CRELD2: variants seen among roughly 807,000 people sequenced by gnomAD.
The protein encoded by CRELD2 is CRELD disulfide isomerase 2, also known as protein disulfide isomerase CRELD2.
CRELD2 carries 33 observed loss-of-function variants against 48.1 expected under a neutral mutation model. That is an observed-to-expected ratio of 0.69 (90% CI 0.52 to 0.92). CRELD2 has a LOEUF of 0.92. CRELD2 is among the 40% of genes least tolerant of loss of function. The pLI is 0.00. For synonymous variants in CRELD2, 220 were observed against 203.9 expected, an observed-to-expected ratio of 1.08 and a Z score of -0.67; for missense variants, 477 against 482.4, an observed-to-expected ratio of 0.99 and a Z score of 0.10.
chr22:49,923,649 G>A, intron 7 of CRELD2: 1 of 456,238 alleles, frequency 2.2e-6, no homozygotes. Context: ...AGCTTGTTGC[G>A]AACGTCTCTG....
chr22:49,925,146 A>C (rs1242404071), intron 8 of CRELD2: 4 of 268,714 alleles, frequency 1.5e-5, no homozygotes, highest in Non-Finnish European at 2.8e-5. Flanking sequence ...AAAAAAAAAA[A>C]GGAAAAGAAA....
In CRELD2 at chr22:49,921,292, A is replaced by G. The variant is rs1484941091; in HGVS notation, c.416-293A>G. Reference sequence around the variant, plus strand: ...GCAATAAGAGCCGCTCAGCTTTAGTATCATCTTAGGGGACAGCTGTGCTAT... The same window carrying G: ...GCAATAAGAGCCGCTCAGCTTTAGTGTCATCTTAGGGGACAGCTGTGCTAT... On this transcript the variant is annotated intron_variant, in intron 4 of 9. Transcript: ENST00000328268. 7.3e-6 allele frequency: 3 copies of G among 413,576 alleles called. No individual in the cohort carries two copies. In the East Asian group the frequency reaches 1.2e-4, roughly 16 times the overall value. 25.6% of individuals were successfully genotyped at this position (413,576 alleles called of 1,614,324 possible).
intron 4 of CRELD2, 50 bp from the exon 5 acceptor site, chr22:49,921,535 C>T: frequency 1.3e-6 from 2 of 1,573,698 alleles, no homozygotes; most frequent in Non-Finnish European, 1.7e-6. Context: ...GAGAACACCG[C>T]ACCGGTCACC....
At chr22:49,923,423 T>C (rs1314347022) in intron 7 of CRELD2, 106 bp downstream of exon 7, 1 of 853,246 alleles carries the variant, frequency 1.2e-6, no homozygotes, top group African/African-American at 1.7e-5. Flanking sequence ...ACATCCTGCC[T>C]GCCCTGAGAA....
Position 49,920,092 on chromosome 22 carries a change from C to T in CRELD2, c.324-64C>T. 4 of 1,083,252 alleles carry T rather than the reference C, an allele frequency of 3.7e-6. No individual in the cohort carries two copies. The South Asian group carries it at 3.8e-5, about 10-fold the overall frequency. 67.1% of individuals were successfully genotyped at this position (1,083,252 alleles called of 1,614,324 possible). On this transcript the variant is annotated intron_variant, in intron 3 of 9. Transcript: ENST00000328268. ...ACTCCAGAGCATATGTTACGTTCAGCTGCATGTTTGTTTTAAAGAACCGTG... is the reference window on the plus strand; with the variant it reads ...ACTCCAGAGCATATGTTACGTTCAGTTGCATGTTTGTTTTAAAGAACCGTG...
Position 49,919,746 on chromosome 22 carries a change from G to C in CRELD2, c.229G>C (p.Glu77Gln). The C allele has an allele frequency of 6.2e-7, 1 of 1,609,832 alleles. No individual in the cohort carries two copies. The highest frequency in any genetic ancestry group is 8.5e-7 in the Non-Finnish European group (1 of 1,178,516). The change falls in exon 3 of 10, where the codon GAG (glutamate) becomes CAG (glutamine). Residue 77 changes from glutamate (E) to glutamine (Q), a missense_variant. Physicochemically the swap from Glu to Gln is conservative, Grantham distance 29. Transcript: ENST00000328268. ...KYESSEIRLL[E>Q]ILEGLCESSD... The stretch of plus-strand genomic sequence containing the variant: ...GTGTTTCAGCGAGATTCGCCTGCTG[G>C]AGATCCTGGAGGGGCTGTGCGAGAG...
chr22:49,923,363 G>A (rs372799715), intron 7 of CRELD2, 46 bp downstream of exon 7: 13 of 1,437,862 alleles, frequency 9.0e-6, no homozygotes, highest in East Asian at 6.8e-5. Flanking sequence ...GCCGGGTTTC[G>A]TTGCTGCCTT....
At position 49,918,700 on chromosome 22, in the gene CRELD2, C is replaced by T; in HGVS notation, c.-70C>T. Reference sequence around the variant, plus strand: ...GGCGCGGCTGGGAGCGGGTGGGCGGCCGGGAGGCCGGAGCAGCACGGCCGC... The same window carrying T: ...GGCGCGGCTGGGAGCGGGTGGGCGGTCGGGAGGCCGGAGCAGCACGGCCGC... On this transcript the variant is annotated 5_prime_UTR_variant, in exon 1 of 10. Coordinates refer to ENST00000328268, the MANE Select transcript of CRELD2 (RefSeq NM_024324.5). 3.5e-6 allele frequency: 2 copies of T among 572,260 alleles called. No individual in the cohort carries two copies. Among genetic ancestry groups the T allele is most frequent in the Non-Finnish European group, 5.1e-6 (2 of 391,326 alleles). The allele number at this position is 572,260 out of a possible 1,614,324, so 35.4% of individuals were successfully genotyped here. A position where few individuals can be genotyped will look rare whatever the true frequency, so the allele number is the denominator to read the frequency against.
Position 49,921,878 on chromosome 22 carries a change from A to G in CRELD2, c.592+117A>G, listed in dbSNP as rs147808627. On this transcript the variant is annotated intron_variant, in intron 5 of 9. Coordinates refer to ENST00000328268, the MANE Select transcript of CRELD2 (RefSeq NM_024324.5). Reference sequence around the variant, plus strand: ...GTTGATCTTTAACCCCAGATGTCCAAGGAAGCTTCGAGGGCCCAGAAGGAT... The same window carrying G: ...GTTGATCTTTAACCCCAGATGTCCAGGGAAGCTTCGAGGGCCCAGAAGGAT... 871 of 1,108,836 alleles carry G rather than the reference A, an allele frequency of 7.9e-4. 6 individuals are homozygous for G. In the African/African-American group the frequency reaches 0.011, roughly 14 times the overall value. The allele number at this position is 1,108,836 out of a possible 1,614,324, so 68.7% of individuals were successfully genotyped here.
intron 1 of CRELD2, 65 bp downstream of exon 1, chr22:49,918,963 G>GT (rs2060644618): frequency 7.8e-7 from 1 of 1,290,116 alleles, no homozygotes. Context: ...TGCATCCGGG[G>GT]TCGCCCCACC....
Position 49,918,717 on chromosome 22 carries a change from C to G in CRELD2, c.-53C>G, listed in dbSNP as rs979607940. ...GTGGGCGGCCGGGAGGCCGGAGCAG[C>G]ACGGCCGCAGGACCTGGAGCTCCGG... is the stretch of plus-strand genomic sequence containing the variant. On this transcript the variant is annotated 5_prime_UTR_variant, in exon 1 of 10. Transcript: ENST00000328268. 4 of 702,002 alleles carry G rather than the reference C, an allele frequency of 5.7e-6. No individual in the cohort carries two copies. Among genetic ancestry groups the G allele is most frequent in the East Asian group, 7.2e-5 (2 of 27,716 alleles). The allele number at this position is 702,002 out of a possible 1,614,324, so 43.5% of individuals were successfully genotyped here.
Position 49,919,240 on chromosome 22 carries a change from A to T in CRELD2, c.140A>T (p.Asp47Val). 6.2e-7 allele frequency: 1 copy of T among 1,613,704 alleles called. No homozygotes were observed. Among genetic ancestry groups the T allele is most frequent in the East Asian group, 2.2e-5 (1 of 44,874 alleles). The change falls in exon 2 of 10, where the codon GAC becomes GTC. Residue 47 changes from aspartate to valine, a missense_variant. Coordinates refer to ENST00000328268, the MANE Select transcript of CRELD2 (RefSeq NM_024324.5). ...ACTGTCTCCTCGCAGGGGATGGTGG[A>T]CACCGCAAAGAAGAACTTTGGCGGC... The part of the protein sequence containing the change: ...LVDKFNQGMV[D>V]TAKKNFGGGN...
intron 8 of CRELD2, 107 bp from the exon 9 acceptor site, chr22:49,925,310 C>A: frequency 1.3e-6 from 1 of 790,884 alleles, no homozygotes; most frequent in Non-Finnish European, 2.1e-6. Flanking sequence ...TGACGTTTGT[C>A]ATCGTTGTGC....
intron 2 of CRELD2, 90 bp downstream of exon 2, chr22:49,919,402 G>C: frequency 1.7e-6 from 2 of 1,209,596 alleles, no homozygotes; most frequent in Non-Finnish European, 2.4e-6. Flanking sequence ...TAATGACAGG[G>C]AGACAGAACA....
intron 7 of CRELD2, chr22:49,923,622 G>C (rs1279309695): frequency 2.0e-6 from 1 of 505,422 alleles, no homozygotes; most frequent in Non-Finnish European, 3.6e-6. Context: ...GCGCCTGTCG[G>C]GTGTTTTCCA....
At position 49,919,213 on chromosome 22, in the gene CRELD2, G is replaced by C. The variant is rs768732947; in HGVS notation, c.130-17G>C. 23 of 1,612,830 alleles carry C rather than the reference G, an allele frequency of 1.4e-5. No homozygotes were observed. The South Asian group carries it at 2.4e-4, about 17-fold the overall frequency. On this transcript the variant is annotated splice_polypyrimidine_tract_variant and intron_variant, in intron 1 of 9. Coordinates refer to ENST00000328268, the MANE Select transcript of CRELD2 (RefSeq NM_024324.5). ...GGTCAGGTGGTACCAAGCACTATGGGCACTGTCTCCTCGCAGGGGATGGTG... is the reference window on the plus strand; with the variant it reads ...GGTCAGGTGGTACCAAGCACTATGGCCACTGTCTCCTCGCAGGGGATGGTG...
chr22:49,921,953 C>A, intron 5 of CRELD2, 192 bp downstream of exon 5: 1 of 626,160 alleles, frequency 1.6e-6, no homozygotes, highest in Non-Finnish European at 2.8e-6. Context: ...CACTTCCTGT[C>A]CCGTAACAGC....
chr22:49,923,978 A>G (rs1314746486), intron 7 of CRELD2: 1 of 230,700 alleles, frequency 4.3e-6, no homozygotes, highest in Admixed American at 5.2e-5. Context: ...GAGTGCAGAC[A>G]GTGGGTCCCT....
intron 9 of CRELD2, chr22:49,925,782 C>T (rs2060756578): frequency 1.5e-6 from 2 of 1,377,012 alleles, no homozygotes; most frequent in African/African-American, 1.5e-5. Flanking sequence ...AACGGAAGTT[C>T]AGGCGATGAA....
Sources: gnomAD v4.1 joint callset for allele counts on GRCh38, gnomAD v4.1.1 for gene constraint, MANE v1.5 for transcripts, NCBI Gene and HGNC (gene_info 2026-07-23, HGNC 2026-07-21) for gene names.